Variants in ATP6V1H observed in about 807,000 individuals in gnomAD.
ATP6V1H encodes V-type proton ATPase subunit H.
A neutral mutation model predicts 71.7 loss-of-function variants in ATP6V1H; 39 were observed. The observed-to-expected ratio is 0.54, with a 90% CI of 0.42 to 0.71. The LOEUF is 0.71. Among genes scored for constraint, ATP6V1H ranks in the 30% least tolerant of loss-of-function variants. The pLI is 0.00. For synonymous variants in ATP6V1H, 192 were observed against 199.3 expected (o/e 0.96, Z 0.31); for missense variants, 509 against 594.9 (o/e 0.86, Z 1.50).
chr8:53,731,833 G>A (rs142581106), intron 13 of ATP6V1H, among the ~76,000 whole-genome samples: 624 of 152,350 alleles, frequency 4.1e-3, no homozygotes, highest in South Asian at 9.1e-3. Flanking sequence ...GAGCATCCCT[G>A]GGGGGGACTC....
At chr8:53,733,182 T>G (rs906840805) in intron 13 of ATP6V1H, among the ~76,000 whole-genome samples, 1 of 152,256 alleles carries the variant, frequency 6.6e-6, no homozygotes, top group Non-Finnish European at 1.5e-5. Flanking sequence ...TGCCGCCAGC[T>G]GCTCATGTAC....
At chr8:53,745,773 C>T (rs933066228) in intron 12 of ATP6V1H, among the ~76,000 whole-genome samples, 4 of 152,168 alleles carry the variant, frequency 2.6e-5, no homozygotes, top group Non-Finnish European at 4.4e-5. Flanking sequence ...ACGTAAAGGA[C>T]GCTTGTTTCT....
At chr8:53,756,999 G>C (rs572399019) in intron 11 of ATP6V1H, among the ~76,000 whole-genome samples, 11 of 152,106 alleles carry the variant, frequency 7.2e-5, no homozygotes, top group Non-Finnish European at 1.5e-4. Flanking sequence ...ATAAACCCTA[G>C]GACCTACTGG....
Position 53,829,438 on chromosome 8 carries a change from A to G in ATP6V1H, c.306+6T>C, listed in dbSNP as rs1440185375. The G allele has an allele frequency of 4.4e-6, 7 of 1,589,608 alleles. No individual in the cohort carries two copies. The highest frequency in any genetic ancestry group is 6.0e-6 in the Non-Finnish European group (7 of 1,162,880). Reference sequence around the variant, plus strand: ...ACCAAATGTGTTAAGTAAAGAATATACCTACCTGCAGCATATCATCCACCA... The same window carrying G: ...ACCAAATGTGTTAAGTAAAGAATATGCCTACCTGCAGCATATCATCCACCA... On this transcript the variant is annotated splice_donor_region_variant and intron_variant, in intron 4 of 13. Transcript: ENST00000359530.
chr8:53,833,536 A>C (rs1288609185), intron 2 of ATP6V1H, among the ~76,000 whole-genome samples: 1 of 151,256 alleles, frequency 6.6e-6, no homozygotes, highest in Non-Finnish European at 1.5e-5. Context: ...TCTCTAGTAC[A>C]TTCTTTCCCT....
intron 8 of ATP6V1H, among the ~76,000 whole-genome samples, chr8:53,799,773 C>A (rs565836053): frequency 1.3e-5 from 2 of 152,164 alleles, no homozygotes; most frequent in South Asian, 4.2e-4. Flanking sequence ...GGGATTAGTA[C>A]CCTTCTAAAA....
rs148141700 is a variant in ATP6V1H at position 53,755,460 on chromosome 8, C to G, written c.1277+1095G>C. On this transcript the variant is annotated intron_variant, in intron 12 of 13. Transcript: ENST00000359530. ...CGTGAGTCACTACACAGAGACTTGG[C>G]AAGCACTAACCAAGCAGCCCTTTCC... 2.4e-3 allele frequency among the ~76,000 whole-genome samples: 316 copies of G among 133,038 alleles called. 3 individuals carry two copies. The highest frequency in any genetic ancestry group is 8.6e-3 in the African/African-American group (306 of 35,740). 87.3% of individuals were successfully genotyped at this position (133,038 alleles called of 152,430 possible). A position where few individuals can be genotyped will look rare whatever the true frequency, so the allele number is the denominator to read the frequency against.
At chr8:53,834,473 T>A (rs1490622307) in intron 2 of ATP6V1H, among the ~76,000 whole-genome samples, 2 of 152,236 alleles carry the variant, frequency 1.3e-5, no homozygotes, top group East Asian at 1.9e-4. Flanking sequence ...GTTGCCAGGC[T>A]GGAGTGCAGT....
chr8:53,770,914 A>T (rs1470684283), intron 10 of ATP6V1H, among the ~76,000 whole-genome samples: 1 of 152,212 alleles, frequency 6.6e-6, no homozygotes, highest in African/African-American at 2.4e-5. Context: ...TCCATATTTG[A>T]AATATTTGAA....
At chr8:53,727,132 C>T (rs539446838) in intron 13 of ATP6V1H, among the ~76,000 whole-genome samples, 1 of 152,330 alleles carries the variant, frequency 6.6e-6, no homozygotes, top group African/African-American at 2.4e-5. Context: ...ACAGTCCCAC[C>T]TGGTTACTTT....
chr8:53,753,772 T>A (rs576594192), intron 12 of ATP6V1H, among the ~76,000 whole-genome samples: 1 of 152,200 alleles, frequency 6.6e-6, no homozygotes. Flanking sequence ...TAATTTTCCA[T>A]AGTAAAACCA....
At chr8:53,822,015 G>A (rs914734809) in intron 4 of ATP6V1H, among the ~76,000 whole-genome samples, 13 of 152,192 alleles carry the variant, frequency 8.5e-5, no homozygotes, top group Non-Finnish European at 1.9e-4. Context: ...AGCTGATTGA[G>A]TTCAAGAAAG....
Position 53,795,761 on chromosome 8 carries a change from G to A in ATP6V1H, c.756C>T (p.Phe252=), listed in dbSNP as rs780561466. 3.7e-6 allele frequency: 6 copies of A among 1,613,944 alleles called. No homozygotes were observed. The Admixed American group carries it at 1.0e-4, about 27-fold the overall frequency. Residue 252 remains phenylalanine, a synonymous_variant, in exon 9 of 14, where the codon TTC becomes TTT. Transcript: ENST00000359530. ...QMIFSIWLLA[F]SPQMCEHLRR... The stretch of plus-strand genomic sequence containing the variant: ...GCAGGTGTTCACACATTTGAGGACT[G>A]AATGCCAGGAGCCATATTGAAAAAA...
rs377063979 is a variant in ATP6V1H at position 53,765,995 on chromosome 8, G to A, written c.1175+3623C>T. Among the ~76,000 whole-genome samples, 9 of 152,264 alleles carry A rather than the reference G, an allele frequency of 5.9e-5. No homozygotes were observed. In the South Asian group the frequency reaches 8.3e-4, roughly 14 times the overall value. On this transcript the variant is annotated intron_variant, in intron 11 of 13. Coordinates refer to ENST00000359530, the MANE Select transcript of ATP6V1H (RefSeq NM_015941.4). The stretch of plus-strand genomic sequence containing the variant: ...CCAGAAATAGACCCACACAAATATA[G>A]TCAACTGATCTTTTAACAGAGCAAG...
chr8:53,745,457 G>C (rs1807566222), intron 12 of ATP6V1H, among the ~76,000 whole-genome samples: 1 of 151,924 alleles, frequency 6.6e-6, no homozygotes. Flanking sequence ...AGCTGACAAG[G>C]TCCTTTCACA....
At chr8:53,832,899 C>A in intron 3 of ATP6V1H, 85 bp downstream of exon 3, 3 of 818,238 alleles carry the variant, frequency 3.7e-6, no homozygotes, top group Admixed American at 4.9e-5. Flanking sequence ...AGCAAGAAAA[C>A]TGGAAGTCAC....
chr8:53,790,927 T>C (rs376253642), intron 9 of ATP6V1H, among the ~76,000 whole-genome samples: 1 of 152,222 alleles, frequency 6.6e-6, no homozygotes, highest in Non-Finnish European at 1.5e-5. Context: ...TTTTCTATTG[T>C]ATCTTTTTAA....
chr8:53,759,730 T>C (rs1808198767), intron 11 of ATP6V1H, among the ~76,000 whole-genome samples: 1 of 152,266 alleles, frequency 6.6e-6, no homozygotes, highest in Non-Finnish European at 1.5e-5. Flanking sequence ...TTGCTTTTCT[T>C]CTATCTCCAC....
chr8:53,801,187 A>C lies in ATP6V1H; in HGVS notation c.677+612T>G, dbSNP rs536923992. On this transcript the variant is annotated intron_variant, in intron 8 of 13. Coordinates refer to ENST00000359530, the MANE Select transcript of ATP6V1H (RefSeq NM_015941.4). ...TGCTTTAAATCCTCACCCACCAAGCAACTTACTGTTGATAACCTAAACTCC... is the reference window on the plus strand; with the variant it reads ...TGCTTTAAATCCTCACCCACCAAGCCACTTACTGTTGATAACCTAAACTCC... 2.6e-5 allele frequency among the ~76,000 whole-genome samples: 4 copies of C among 152,172 alleles called. No individual in the cohort carries two copies. The East Asian group carries it at 7.7e-4, about 29-fold the overall frequency.
Sources: gnomAD v4.1 joint callset for allele counts (sites outside exome capture counted in the v4.1 genomes callset) on GRCh38, gnomAD v4.1.1 for gene constraint, MANE v1.5 for transcripts, NCBI Gene and HGNC (gene_info 2026-07-23, HGNC 2026-07-21) for gene names.